SH3PXD2B: variants seen among roughly 807,000 people sequenced by gnomAD.
SH3PXD2B encodes the protein SH3 and PX domain-containing protein 2B.
SH3PXD2B carries 37 observed loss-of-function variants against 73.1 expected under a neutral mutation model. The ratio of observed to expected loss-of-function variants is 0.51; its 90% CI spans 0.39 to 0.67. The LOEUF is 0.67. Ranked by LOEUF, SH3PXD2B falls within the 30% of genes least tolerant of loss-of-function variation. SH3PXD2B has a pLI of 0.00. For synonymous variants in SH3PXD2B, 457 were observed against 480.5 expected, an observed-to-expected ratio of 0.95 and a Z score of 0.64; for missense variants, 1,053 against 1,197.8, an observed-to-expected ratio of 0.88 and a Z score of 1.78.
intron 2 of SH3PXD2B, among the ~76,000 whole-genome samples, chr5:172,420,614 G>A (rs73804834): frequency 0.027 from 4,059 of 152,234 alleles, 185 homozygotes; most frequent in African/African-American, 0.093. Flanking sequence ...ACCTCTGTTC[G>A]CGGCAGTTTG....
At chr5:172,347,374 G>A (rs1299546303) in intron 10 of SH3PXD2B, 42 bp from the exon 11 acceptor site, 1 of 1,606,376 alleles carries the variant, frequency 6.2e-7, no homozygotes. Context: ...TGCTACAGAT[G>A]AGATTCCTGA....
At chr5:172,420,355 T>G (rs1758933311) in intron 2 of SH3PXD2B, among the ~76,000 whole-genome samples, 1 of 152,218 alleles carries the variant, frequency 6.6e-6, no homozygotes, top group South Asian at 2.1e-4. Context: ...TTGCTTTATA[T>G]TATGCAATGA....
In SH3PXD2B at chr5:172,338,695, CT is replaced by C. The variant is rs1286006355; in HGVS notation, c.2409del (p.Ala804ProfsTer47). 2 of 1,614,172 alleles carry C rather than the reference CT, an allele frequency of 1.2e-6. No individual in the cohort carries two copies. Among genetic ancestry groups the C allele is most frequent in the Admixed American group, 3.3e-5 (2 of 60,022 alleles). ...AAAGAGTTGGAGAGAAAAGGTTTGG[CT>C]TTTGGAGGGACGAGGAGAGCACGGC... is the stretch of plus-strand genomic sequence containing the variant. ...TPGRALLVPP[K>X]AKPFLSNSLG... On this transcript the variant is annotated frameshift_variant, in exon 13 of 13. Coordinates refer to ENST00000311601, the MANE Select transcript of SH3PXD2B (RefSeq NM_001017995.3). LOFTEE classifies it low-confidence loss of function (END_TRUNC). This position sits in a 1 kb window ranked among gnomAD's most constrained non-coding sequence, Gnocchi z 5.1.
rs1353943542 is a variant in SH3PXD2B at position 172,337,155 on chromosome 5, G to A, written c.*1214C>T. On this transcript the variant is annotated 3_prime_UTR_variant, in exon 13 of 13. Transcript: ENST00000311601. ...CCTGGCATTCTCCTGTCATGGAGAT[G>A]CAGCTGTTGAGTCCAGGGCAGCCTT... The A allele has an allele frequency of 8.1e-6, 8 of 985,486 alleles. No homozygotes were observed. Among genetic ancestry groups the A allele is most frequent in the African/African-American group, 7.0e-5 (4 of 57,362 alleles). The allele number at this position is 985,486 out of a possible 1,614,324, so 61.0% of individuals were successfully genotyped here. A position where few individuals can be genotyped will look rare whatever the true frequency, so the allele number is the denominator to read the frequency against.
chr5:172,333,233 A>G (rs1756600050), downstream of SH3PXD2B, among the ~76,000 whole-genome samples: 1 of 151,836 alleles, frequency 6.6e-6, no homozygotes, highest in Non-Finnish European at 1.5e-5. Flanking sequence ...CTGGGCCTGG[A>G]CCTCCATAGC....
In SH3PXD2B at chr5:172,422,407, A is replaced by C; in HGVS notation, c.156+9T>G. 6.2e-7 allele frequency: 1 copy of C among 1,604,916 alleles called. No homozygotes were observed. The highest frequency in any genetic ancestry group is 1.7e-5 in the Admixed American group (1 of 58,504). ...ATCCTGCAGCTCACCAGAGACCTCA[A>C]ATCCTTACCTGGAGGTCAAAAAACT... On this transcript the variant is annotated intron_variant, in intron 2 of 12. Coordinates refer to ENST00000311601, the MANE Select transcript of SH3PXD2B (RefSeq NM_001017995.3).
intron 1 of SH3PXD2B, among the ~76,000 whole-genome samples, chr5:172,433,312 T>C (rs1301594648): frequency 6.6e-6 from 1 of 152,152 alleles, no homozygotes; most frequent in Non-Finnish European, 1.5e-5. Flanking sequence ...TAGCAACACA[T>C]TTCTCAGAAC....
chr5:172,449,158 T>C (rs1396503897), intron 1 of SH3PXD2B, among the ~76,000 whole-genome samples: 1 of 152,172 alleles, frequency 6.6e-6, no homozygotes, highest in Non-Finnish European at 1.5e-5. Context: ...AGGGGCACCA[T>C]CTACCCAGAG....
At chr5:172,448,064 C>G (rs1029396654) in intron 1 of SH3PXD2B, among the ~76,000 whole-genome samples, 10 of 152,196 alleles carry the variant, frequency 6.6e-5, no homozygotes, top group Non-Finnish European at 1.5e-4. Flanking sequence ...AAAACCTACC[C>G]AAGGGGCCTT....
chr5:172,427,384 C>G (rs986660551), intron 1 of SH3PXD2B, among the ~76,000 whole-genome samples: 11 of 152,140 alleles, frequency 7.2e-5, no homozygotes, highest in Non-Finnish European at 1.3e-4. Flanking sequence ...CTCGCTCTGT[C>G]ACCCAGGGTG....
rs116496418 is a variant in SH3PXD2B, at chr5:172,429,944, G to A, written c.76-7448C>T. 6.8e-3 allele frequency among the ~76,000 whole-genome samples: 1,030 copies of A among 152,276 alleles called. 13 individuals carry two copies. Among genetic ancestry groups the A allele is most frequent in the African/African-American group, 0.023 (938 of 41,552 alleles). Reference sequence around the variant, plus strand: ...GACCAGTACATCATCCTACTGTTCTGCGAGGCTGTGGAGTTCTAGGGTCAC... The same window carrying A: ...GACCAGTACATCATCCTACTGTTCTACGAGGCTGTGGAGTTCTAGGGTCAC... On this transcript the variant is annotated intron_variant, in intron 1 of 12. Coordinates refer to ENST00000311601, the MANE Select transcript of SH3PXD2B (RefSeq NM_001017995.3).
rs535615883 is a variant in SH3PXD2B at position 172,337,206 on chromosome 5, G to A, written c.*1163C>T. 1.4e-5 allele frequency: 14 copies of A among 985,532 alleles called. No individual in the cohort carries two copies. In the East Asian group the frequency reaches 1.6e-3, roughly 112 times the overall value. 61.0% of individuals were successfully genotyped at this position (985,532 alleles called of 1,614,324 possible). Reference sequence around the variant, plus strand: ...TGGTATAGGCTGCTGTGGGCTGGAGGGATGGTGGGTGTGGGAGCAGCCACG... The same window carrying A: ...TGGTATAGGCTGCTGTGGGCTGGAGAGATGGTGGGTGTGGGAGCAGCCACG... On this transcript the variant is annotated 3_prime_UTR_variant, in exon 13 of 13. Transcript: ENST00000311601.
chr5:172,403,136 A>G (rs1758464077), intron 3 of SH3PXD2B, among the ~76,000 whole-genome samples: 1 of 152,210 alleles, frequency 6.6e-6, no homozygotes, highest in South Asian at 2.1e-4. Context: ...CTGGAGTGGA[A>G]AGGGTGTTCA....
Position 172,361,813 on chromosome 5 carries a change from G to A in SH3PXD2B, c.562+922C>T, listed in dbSNP as rs113786914. ...AGTTTGGCTGGCTGGCGCTGGTCTC[G>A]TGACTAATGCCACCACCATCCAGAT... On this transcript the variant is annotated intron_variant, in intron 7 of 12. Transcript: ENST00000311601. Among the ~76,000 whole-genome samples the A allele has an allele frequency of 9.8e-3, 1,489 of 152,284 alleles. 26 individuals are homozygous for A. The highest frequency in any genetic ancestry group is 0.034 in the African/African-American group (1,427 of 41,548).
intron 10 of SH3PXD2B, among the ~76,000 whole-genome samples, chr5:172,348,884 T>A (rs529456185): frequency 2.3e-4 from 35 of 151,610 alleles, no homozygotes; most frequent in African/African-American, 7.5e-4. Context: ...TTAAAAAAAA[T>A]TTTTTTTTGT....
rs147627493 is a variant in SH3PXD2B at position 172,346,286 on chromosome 5, T to C, written c.1063-25A>G. 87 of 1,613,142 alleles carry C rather than the reference T, an allele frequency of 5.4e-5. No homozygotes were observed. In the African/African-American group the frequency reaches 1.0e-3, roughly 19 times the overall value. ...GCTGGTACGATCACACACAGGGTTA[T>C]CTCCAAGGCTAAGTGCACTCCTGCG... On this transcript the variant is annotated intron_variant, in intron 11 of 12. Transcript: ENST00000311601.
Position 172,338,201 on chromosome 5 carries a change from C to T in SH3PXD2B, c.*168G>A, listed in dbSNP as rs1247651874. 11 of 1,507,678 alleles carry T rather than the reference C, an allele frequency of 7.3e-6. No individual in the cohort carries two copies. The highest frequency in any genetic ancestry group is 1.4e-5 in the African/African-American group (1 of 71,950). The allele number at this position is 1,507,678 out of a possible 1,614,324, so 93.4% of individuals were successfully genotyped here. A position where few individuals can be genotyped will look rare whatever the true frequency, so the allele number is the denominator to read the frequency against. ...TAGGAGGGATCAGGCCCAGGGGCGC[C>T]CGAGGTGTCCGAAACTCACTCTCCA... On this transcript the variant is annotated 3_prime_UTR_variant, in exon 13 of 13. Transcript: ENST00000311601. This position sits in a 1 kb window ranked among gnomAD's most constrained non-coding sequence, Gnocchi z 5.1.
intron 5 of SH3PXD2B, 112 bp downstream of exon 5, chr5:172,381,924 C>A: frequency 2.7e-6 from 2 of 754,650 alleles, no homozygotes; most frequent in South Asian, 1.7e-5. Flanking sequence ...CTCACAGGGG[C>A]TCAGCCGACG....
chr5:172,350,403 CCG>C lies in SH3PXD2B; in HGVS notation c.970_971del (p.Arg324ValfsTer2). 1.2e-6 allele frequency: 2 copies of C among 1,613,974 alleles called. No homozygotes were observed. The highest frequency in any genetic ancestry group is 8.5e-7 in the Non-Finnish European group (1 of 1,180,018). On this transcript the variant is annotated frameshift_variant, in exon 10 of 13. Coordinates refer to ENST00000311601, the MANE Select transcript of SH3PXD2B (RefSeq NM_001017995.3). LOFTEE classifies it high-confidence loss of function. ...KELLSSQRDG[R>X]FEGRPVPDGD... is the part of the protein sequence containing the mutation. Reference sequence around the variant, plus strand: ...CGTCGGGCACCGGGCGGCCTTCAAACCGCCCGTCCCTCTGGCTGCTGAGCAGC... The same window carrying C: ...CGTCGGGCACCGGGCGGCCTTCAAACCCCGTCCCTCTGGCTGCTGAGCAGC...
Sources: allele counts gnomAD v4.1 joint callset (sites outside exome capture counted in the v4.1 genomes callset), GRCh38; gene constraint gnomAD v4.1.1; non-coding constraint Gnocchi (gnomAD v3.1); transcripts MANE v1.5; gene names NCBI Gene and HGNC (gene_info 2026-07-23, HGNC 2026-07-21).